Variants in PLCE1 observed in about 807,000 individuals in gnomAD.
The protein encoded by PLCE1 is phospholipase C epsilon 1.
PLCE1 carries 119 observed loss-of-function variants against 242.8 expected under a neutral mutation model. The ratio of observed to expected loss-of-function variants is 0.49; its 90% confidence interval spans 0.42 to 0.57. PLCE1 has a LOEUF of 0.57. Among genes scored for constraint, PLCE1 ranks in the 20% least tolerant of loss-of-function variants. The pLI is 0.00. For missense variants in PLCE1, 2,441 were observed against 2,788.8 expected (o/e 0.88, Z 2.81); for synonymous variants, 945 against 1,017.4 (o/e 0.93, Z 1.35).
chr10:93,996,021 T>G (rs759106206), intron 1 of PLCE1, among the ~76,000 whole-genome samples: 4 of 152,244 alleles, frequency 2.6e-5, no homozygotes, highest in Non-Finnish European at 5.9e-5. Context: ...AAAAATACTG[T>G]GCATGGTGGA....
chr10:94,012,698 T>G (rs888644216), intron 1 of PLCE1, among the ~76,000 whole-genome samples: 2 of 152,086 alleles, frequency 1.3e-5, no homozygotes, highest in African/African-American at 4.8e-5. Context: ...CAGGTACATC[T>G]TCTGGTCCCC....
chr10:94,085,333 G>A (rs1356821323), intron 2 of PLCE1, among the ~76,000 whole-genome samples: 1 of 152,078 alleles, frequency 6.6e-6, no homozygotes, highest in Non-Finnish European at 1.5e-5. Context: ...CCAAGAAAAA[G>A]ACAAGGAGGA....
At chr10:94,191,888 C>T (rs1359564870) in intron 4 of PLCE1, among the ~76,000 whole-genome samples, 1 of 152,160 alleles carries the variant, frequency 6.6e-6, no homozygotes, top group African/African-American at 2.4e-5. Context: ...CCTGGCTGCC[C>T]AGCTGCAAAG....
At chr10:94,253,319 G>T (rs1269842313) in intron 9 of PLCE1, among the ~76,000 whole-genome samples, 3 of 152,148 alleles carry the variant, frequency 2.0e-5, no homozygotes, top group Non-Finnish European at 4.4e-5. Context: ...GACATGGCAA[G>T]AGCAGGAGTG....
rs1201260365 is a variant in PLCE1, at chr10:94,258,880, A to G, written c.3635A>G (p.Asn1212Ser). Reference protein sequence around the residue: ...GFQSFMVSDSNMSFVEFVELF... With the variant: ...GFQSFMVSDSSMSFVEFVELF... ...CAGAGCTTCATGGTTTCAGATAGCA[A>G]CATGAGTTTTGTTGAATTTGTTGAG... Residue 1212 changes from asparagine to serine, a missense_variant, in exon 12 of 33, where the codon AAC (asparagine) becomes AGC (serine). Asn to Ser is a conservative substitution (Grantham distance 46). Coordinates refer to ENST00000371380, the MANE Select transcript of PLCE1 (RefSeq NM_016341.4). 3.7e-6 allele frequency: 6 copies of G among 1,614,024 alleles called. No homozygotes were observed. In the African/African-American group the frequency reaches 5.3e-5, roughly 14 times the overall value.
chr10:94,132,452 G>A lies in PLCE1; in HGVS notation c.1485G>A (p.Met495Ile), dbSNP rs1249996267. The change falls in exon 3 of 33, where the codon ATG (methionine) becomes ATA (isoleucine). Residue 495 changes from methionine (M) to isoleucine (I), a missense_variant. By Grantham distance (10) the Met-to-Ile change is conservative. Coordinates refer to ENST00000371380, the MANE Select transcript of PLCE1 (RefSeq NM_016341.4). ...STFGGSTGRM[M>I]LKERQPGPSV... ...TTGGAGGATCCACTGGACGAATGATGCTGAAAGGTAATGCCTGAAATTTCA... is the reference window on the plus strand; with the variant it reads ...TTGGAGGATCCACTGGACGAATGATACTGAAAGGTAATGCCTGAAATTTCA... The A allele has an allele frequency of 6.2e-7, 1 of 1,613,754 alleles. No individual in the cohort carries two copies. Among genetic ancestry groups the A allele is most frequent in the Non-Finnish European group, 8.5e-7 (1 of 1,179,876 alleles).
intron 2 of PLCE1, among the ~76,000 whole-genome samples, chr10:94,110,350 C>T (rs2045917117): frequency 6.6e-6 from 1 of 152,072 alleles, no homozygotes. Flanking sequence ...CTGTGAGCCA[C>T]CGTGCCTGGC....
intron 1 of PLCE1, among the ~76,000 whole-genome samples, chr10:94,001,760 T>A (rs1340630825): frequency 5.9e-5 from 9 of 152,220 alleles, no homozygotes; most frequent in Non-Finnish European, 1.3e-4. Flanking sequence ...AAACTCAGAT[T>A]TCATTGATTC....
intron 4 of PLCE1, among the ~76,000 whole-genome samples, chr10:94,210,958 G>C (rs954351011): frequency 6.6e-6 from 1 of 152,212 alleles, no homozygotes; most frequent in Non-Finnish European, 1.5e-5. Context: ...GGGCACAGCT[G>C]GTGGTACCTT....
chr10:94,133,045 A>G (rs1438078497), intron 3 of PLCE1, among the ~76,000 whole-genome samples: 2 of 152,028 alleles, frequency 1.3e-5, no homozygotes, highest in African/African-American at 4.8e-5. Context: ...TGATTCAGGC[A>G]GGTAGTTTCT....
At chr10:94,265,062 C>T (rs2051463849) in intron 14 of PLCE1, among the ~76,000 whole-genome samples, 1 of 152,192 alleles carries the variant, frequency 6.6e-6, no homozygotes, top group African/African-American at 2.4e-5. Context: ...TAGTAACCAG[C>T]AATAGCTGGT....
chr10:94,040,876 T>A (rs1456370691), intron 2 of PLCE1, among the ~76,000 whole-genome samples: 1 of 152,180 alleles, frequency 6.6e-6, no homozygotes. Context: ...TATATAGAAT[T>A]GAAATTGTAT....
chr10:94,247,021 A>G (rs1387785608), intron 8 of PLCE1, among the ~76,000 whole-genome samples: 1 of 151,396 alleles, frequency 6.6e-6, no homozygotes, highest in East Asian at 2.0e-4. Flanking sequence ...CTGAGGCAGG[A>G]GAATCGCTGG....
intron 2 of PLCE1, chr10:94,104,153 A>T (rs2045640839): frequency 6.6e-6 from 1 of 152,222 alleles, no homozygotes; most frequent in South Asian, 2.1e-4. Context: ...AGCAACTAAG[A>T]TTTATTTTAT....
intron 1 of PLCE1, among the ~76,000 whole-genome samples, chr10:94,003,462 T>A (rs2060971053): frequency 6.6e-6 from 1 of 152,380 alleles, no homozygotes; most frequent in Non-Finnish European, 1.5e-5. Context: ...TTTGCAATTC[T>A]GCTGTGGCAG....
intron 3 of PLCE1, among the ~76,000 whole-genome samples, chr10:94,163,402 A>G (rs1438633428): frequency 6.6e-6 from 1 of 152,156 alleles, no homozygotes; most frequent in Non-Finnish European, 1.5e-5. Context: ...TCCCTTTACC[A>G]TTATGTAATG....
At chr10:94,217,106 T>C (rs1318294403) in intron 4 of PLCE1, among the ~76,000 whole-genome samples, 2 of 151,482 alleles carry the variant, frequency 1.3e-5, no homozygotes, top group African/African-American at 4.9e-5. Context: ...GCTTTTGATT[T>C]GGCTCATTCC....
chr10:94,046,881 G>GT (rs1258490541), intron 2 of PLCE1, among the ~76,000 whole-genome samples: 4 of 152,112 alleles, frequency 2.6e-5, no homozygotes, highest in Non-Finnish European at 4.4e-5. Flanking sequence ...TTTATACGTT[G>GT]AATGTTAACA....
intron 4 of PLCE1, among the ~76,000 whole-genome samples, chr10:94,223,630 A>G (rs2137118367): frequency 6.6e-6 from 1 of 152,222 alleles, no homozygotes; most frequent in African/African-American, 2.4e-5. Flanking sequence ...GTTGTGGAGG[A>G]GTTGTGGGCA....
Sources: allele counts gnomAD v4.1 joint callset (sites outside exome capture counted in the v4.1 genomes callset), GRCh38; gene constraint gnomAD v4.1.1; transcripts MANE v1.5; gene names NCBI Gene and HGNC (gene_info 2026-07-23, HGNC 2026-07-21).